USP45: variants seen among roughly 807,000 people sequenced by gnomAD.
USP45 encodes the protein ubiquitin specific peptidase 45.
USP45 carries 89 observed loss-of-function variants against 95.8 expected under a neutral mutation model. The observed-to-expected ratio is 0.93, with a 90% confidence interval of 0.78 to 1.11. The LOEUF is 1.11. USP45 is among the 50% of genes least tolerant of loss of function. The probability of loss-of-function intolerance (pLI) is 0.00; values close to 1 mark genes in which losing one functional copy is unlikely to be tolerated. For missense variants in USP45, 898 were observed against 942.5 expected (o/e 0.95, Z 0.62); for synonymous variants, 281 against 316.2 (o/e 0.89, Z 1.18).
intron 13 of USP45, among the ~76,000 whole-genome samples, chr6:99,449,638 AACAAGGATAG>A (rs139121920): frequency 0.26 from 40,096 of 151,858 alleles, 5,775 homozygotes; most frequent in Admixed American, 0.35. Flanking sequence ...ACAGAAAGTT[AACAAGGATAG>A]CCAGGAATTG....
intron 3 of USP45, 106 bp downstream of exon 3, chr6:99,508,504 G>T: frequency 1.9e-5 from 21 of 1,112,892 alleles, no homozygotes; most frequent in South Asian, 1.6e-4. Flanking sequence ...ATCTAAATTG[G>T]AATAAATTTA....
chr6:99,513,444 A>G lies in USP45; in HGVS notation c.-11+1948T>C, dbSNP rs976115878. Among the ~76,000 whole-genome samples the G allele has an allele frequency of 2.6e-5, 4 of 152,298 alleles. No individual in the cohort carries two copies. The South Asian group carries it at 6.2e-4, about 24-fold the overall frequency. On this transcript the variant is annotated intron_variant, in intron 1 of 17. Transcript: ENST00000500704. ...GGCAAATTTGATCTTTCTAACCCCA[A>G]ATTTGCAAACCTACCTCCATCAATT... is the stretch of plus-strand genomic sequence containing the variant.
chr6:99,508,642 CAG>C lies in USP45; in HGVS notation c.239_240del (p.Ser80Ter). The C allele has an allele frequency of 6.2e-7, 1 of 1,612,934 alleles. No homozygotes were observed. The highest frequency in any genetic ancestry group is 1.1e-5 in the South Asian group (1 of 90,670). On this transcript the variant is annotated frameshift_variant, in exon 3 of 18. Transcript: ENST00000500704. LOFTEE classifies it high-confidence loss of function. ...CCACACTTGAGGCACAACCAAATAT[CAG>C]AAGTAAGTACTAGCTGCCCATCATA... The part of the protein sequence containing the change: ...RFYDGQLVLT[S>X]DIWLCLKCGF...
rs768919679 is a variant in USP45, at chr6:99,503,866, C to T, written c.378-1G>A. 2.6e-6 allele frequency: 4 copies of T among 1,542,030 alleles called. No homozygotes were observed. The highest frequency in any genetic ancestry group is 1.3e-5 in the South Asian group (1 of 78,378). On this transcript the variant is annotated splice_acceptor_variant, in intron 4 of 17. Transcript: ENST00000500704. LOFTEE classifies it high-confidence loss of function. The stretch of plus-strand genomic sequence containing the variant: ...TAATTTTTCATCACATTCATAACAC[C>T]TGAAAAAGTATAAAATTTAAGAAAA...
At chr6:99,461,547 T>C (rs982703009) in intron 13 of USP45, 1 of 985,376 alleles carries the variant, frequency 1.0e-6, no homozygotes, top group African/African-American at 1.7e-5. Flanking sequence ...CAAAAGAAAA[T>C]GCACTTTTTC....
At chr6:99,498,739 T>C (rs946237692) in intron 5 of USP45, among the ~76,000 whole-genome samples, 4 of 152,192 alleles carry the variant, frequency 2.6e-5, no homozygotes, top group African/African-American at 9.6e-5. Context: ...CTCTCAATTA[T>C]ACAATGCCGT....
intron 17 of USP45, 77 bp from the exon 18 acceptor site, chr6:99,435,923 A>T: frequency 7.1e-7 from 1 of 1,414,318 alleles, no homozygotes; most frequent in South Asian, 1.5e-5. Context: ...ACAATAACAT[A>T]TTCATTACAA....
intron 1 of USP45, 124 bp downstream of exon 1, chr6:99,515,268 G>C (rs923866838): frequency 6.6e-6 from 1 of 152,222 alleles, no homozygotes; most frequent in African/African-American, 2.4e-5. Context: ...GAAGCCGAGT[G>C]GGGTGGGGAG....
chr6:99,515,770 CTTTTTTT>C (rs56926251), upstream of USP45, among the ~76,000 whole-genome samples: 3 of 88,464 alleles, frequency 3.4e-5, no homozygotes, highest in East Asian at 1.0e-3. Context: ...CCTCTGAACT[CTTTTTTT>C]TTTTTTTTTT....
rs1361593233 is a variant in USP45 at position 99,508,666 on chromosome 6, C to G, written c.217G>C (p.Asp73His). Residue 73 changes from aspartate to histidine, a missense_variant, in exon 3 of 18, where the codon GAT becomes CAT. Physicochemically the swap from Asp to His is moderately conservative, Grantham distance 81. Coordinates refer to ENST00000500704, the MANE Select transcript of USP45 (RefSeq NM_001346022.3). ...TCAGAAGTAAGTACTAGCTGCCCATCATAGAATCTTCTTTCTTTTAAACAT... is the reference window on the plus strand; with the variant it reads ...TCAGAAGTAAGTACTAGCTGCCCATGATAGAATCTTCTTTCTTTTAAACAT... ...SECLKERRFY[D>H]GQLVLTSDIW... is the part of the protein sequence containing the mutation. 4 of 1,613,936 alleles carry G rather than the reference C, an allele frequency of 2.5e-6. No homozygotes were observed. The highest frequency in any genetic ancestry group is 2.2e-5 in the South Asian group (2 of 91,052).
intron 3 of USP45, 51 bp from the exon 4 acceptor site, chr6:99,507,582 A>T: frequency 5.4e-6 from 7 of 1,288,424 alleles, no homozygotes; most frequent in Non-Finnish European, 7.8e-6. Context: ...GTTTGTTTCA[A>T]ATTAATCAAA....
intron 13 of USP45, 138 bp downstream of exon 13, chr6:99,464,466 G>T: frequency 2.4e-6 from 2 of 821,518 alleles, no homozygotes; most frequent in Non-Finnish European, 3.7e-6. Flanking sequence ...TATACAAGTA[G>T]CCAAGTTGAT....
chr6:99,439,919 T>C (rs1200292626), intron 15 of USP45, 64 bp from the exon 16 acceptor site: 2 of 1,330,762 alleles, frequency 1.5e-6, no homozygotes, highest in Non-Finnish European at 2.1e-6. Context: ...CTTTGTTAAC[T>C]AAAACCAAAA....
At chr6:99,460,156 A>C (rs1583107420) in intron 13 of USP45, among the ~76,000 whole-genome samples, 1 of 152,076 alleles carries the variant, frequency 6.6e-6, no homozygotes. Flanking sequence ...ATCATCCTTC[A>C]TATTAAACTT....
At chr6:99,514,200 G>A (rs1443262363) in intron 1 of USP45, among the ~76,000 whole-genome samples, 1 of 152,140 alleles carries the variant, frequency 6.6e-6, no homozygotes, top group East Asian at 1.9e-4. Flanking sequence ...AATAGAAAAA[G>A]ACACAAGCGG....
chr6:99,487,843 TCTTTA>T (rs947831308), intron 7 of USP45, among the ~76,000 whole-genome samples: 4 of 152,122 alleles, frequency 2.6e-5, no homozygotes, highest in African/African-American at 9.7e-5. Context: ...ATTTCATCTT[TCTTTA>T]AAGAACAAAA....
chr6:99,454,910 A>C (rs112258881), intron 13 of USP45, among the ~76,000 whole-genome samples: 2 of 151,706 alleles, frequency 1.3e-5, no homozygotes, highest in African/African-American at 4.8e-5. Context: ...AACATGGTGA[A>C]AACCCTGTCT....
At chr6:99,474,896 G>A (rs545272047) in intron 9 of USP45, among the ~76,000 whole-genome samples, 10 of 152,244 alleles carry the variant, frequency 6.6e-5, no homozygotes, top group Admixed American at 5.2e-4. Context: ...CTAATTTAAC[G>A]TTAAAGTCAA....
At chr6:99,478,824 T>C (rs1005272304) in intron 8 of USP45, among the ~76,000 whole-genome samples, 35 of 152,140 alleles carry the variant, frequency 2.3e-4, no homozygotes, top group African/African-American at 8.2e-4. Flanking sequence ...ATAAGGCTCA[T>C]CACAAGTGGT....
Sources: gnomAD v4.1 joint callset for allele counts (sites outside exome capture counted in the v4.1 genomes callset) on GRCh38, gnomAD v4.1.1 for gene constraint, MANE v1.5 for transcripts, NCBI Gene and HGNC (gene_info 2026-07-23, HGNC 2026-07-21) for gene names.